The following ATRNL1 variants were observed in gnomAD, a reference collection of about 807,000 sequenced individuals.
The protein encoded by ATRNL1 is attractin like 1.
A neutral mutation model predicts 182.7 loss-of-function variants in ATRNL1; 95 were observed. The ratio of observed to expected loss-of-function variants is 0.52; its 90% confidence interval spans 0.44 to 0.62. The LOEUF (loss-of-function observed/expected upper bound fraction) is 0.62, where lower values mean the gene tolerates loss of function less well. ATRNL1 is among the 20% of genes least tolerant of loss of function. ATRNL1 has a pLI of 0.00. For missense variants in ATRNL1, 1,471 were observed against 1,679.5 expected, an observed-to-expected ratio of 0.88 and a Z score of 2.17; for synonymous variants, 576 against 568.3, an observed-to-expected ratio of 1.01 and a Z score of -0.19.
chr10:115,527,660 ACT>A (rs1452730092), intron 25 of ATRNL1, among the ~76,000 whole-genome samples: 8 of 151,882 alleles, frequency 5.3e-5, no homozygotes, highest in African/African-American at 1.9e-4. Context: ...TGGAAGTTGT[ACT>A]CTTTGTTTCA....
chr10:115,195,634 A>G (rs1383208703), intron 8 of ATRNL1, among the ~76,000 whole-genome samples: 1 of 152,098 alleles, frequency 6.6e-6, no homozygotes, highest in Non-Finnish European at 1.5e-5. Flanking sequence ...TTGGTGTTTT[A>G]TAACCTCGTA....
chr10:115,150,659 T>C (rs546531428), intron 5 of ATRNL1, among the ~76,000 whole-genome samples: 5 of 152,260 alleles, frequency 3.3e-5, no homozygotes, highest in Admixed American at 2.0e-4. Flanking sequence ...CCTCTTTTCA[T>C]TGATTTCTAG....
At chr10:115,383,878 G>A (rs1285718657) in intron 19 of ATRNL1, among the ~76,000 whole-genome samples, 1 of 151,818 alleles carries the variant, frequency 6.6e-6, no homozygotes, top group African/African-American at 2.4e-5. Context: ...AAAAAATGCA[G>A]TTTTGTTTAT....
chr10:115,393,247 C>T (rs1844120050), intron 19 of ATRNL1, among the ~76,000 whole-genome samples: 1 of 152,060 alleles, frequency 6.6e-6, no homozygotes, highest in South Asian at 2.1e-4. Context: ...GTTTTAGTCT[C>T]TTCTTTTGAA....
intron 26 of ATRNL1, among the ~76,000 whole-genome samples, chr10:115,643,188 G>C (rs1555031061): frequency 6.6e-6 from 1 of 152,142 alleles, no homozygotes; most frequent in Non-Finnish European, 1.5e-5. Context: ...ATGATCAACT[G>C]ATTTTCAACC....
At chr10:115,934,907 A>C (rs184592259) in intron 28 of ATRNL1, among the ~76,000 whole-genome samples, 113 of 152,164 alleles carry the variant, frequency 7.4e-4, no homozygotes, top group African/African-American at 2.5e-3. Context: ...GTATGTCCTG[A>C]AGTTTCTCAA....
chr10:115,175,774 G>C (rs186361545), intron 8 of ATRNL1, among the ~76,000 whole-genome samples: 1 of 152,192 alleles, frequency 6.6e-6, no homozygotes. Context: ...CTGCTTACAT[G>C]TTGAAAGTAT....
At chr10:115,474,104 G>C (rs145660761) in intron 24 of ATRNL1, among the ~76,000 whole-genome samples, 65 of 151,254 alleles carry the variant, frequency 4.3e-4, no homozygotes, top group Non-Finnish European at 6.1e-4. Context: ...CTAACTTTGG[G>C]CTTCACAGTT....
intron 9 of ATRNL1, among the ~76,000 whole-genome samples, chr10:115,225,152 C>T (rs1390708147): frequency 6.6e-6 from 1 of 151,586 alleles, no homozygotes; most frequent in South Asian, 2.1e-4. Context: ...TGGGTTCATT[C>T]AAAGAATATA....
intron 15 of ATRNL1, among the ~76,000 whole-genome samples, chr10:115,287,406 T>C (rs1852669738): frequency 6.6e-6 from 1 of 152,134 alleles, no homozygotes; most frequent in Non-Finnish European, 1.5e-5. Flanking sequence ...TTGTTCCCAC[T>C]ACTGCTATTA....
At chr10:115,476,730 A>G (rs1554973203) in intron 24 of ATRNL1, among the ~76,000 whole-genome samples, 1 of 150,904 alleles carries the variant, frequency 6.6e-6, no homozygotes, top group Non-Finnish European at 1.5e-5. Flanking sequence ...TACATTCTGT[A>G]TTTTTATCTT....
intron 19 of ATRNL1, among the ~76,000 whole-genome samples, chr10:115,353,529 T>G (rs1856364907): frequency 6.6e-6 from 1 of 152,138 alleles, no homozygotes; most frequent in African/African-American, 2.4e-5. Context: ...CCACTCTCTG[T>G]CTTTTATTTG....
intron 19 of ATRNL1, among the ~76,000 whole-genome samples, chr10:115,354,751 T>C (rs1856428568): frequency 6.6e-6 from 1 of 152,076 alleles, no homozygotes; most frequent in South Asian, 2.1e-4. Context: ...AAAAGTTCTC[T>C]TATTACTTTC....
chr10:115,748,269 A>G (rs1032039505), intron 27 of ATRNL1, among the ~76,000 whole-genome samples: 1 of 151,642 alleles, frequency 6.6e-6, no homozygotes, highest in Admixed American at 6.6e-5. Context: ...AGGCTGTTTT[A>G]TACAATGAAG....
chr10:115,508,365 C>G (rs1554981823), intron 24 of ATRNL1, among the ~76,000 whole-genome samples: 1 of 151,926 alleles, frequency 6.6e-6, no homozygotes, highest in Non-Finnish European at 1.5e-5. Context: ...CAATTGCTTC[C>G]CAGTGTTCAA....
chr10:115,276,727 A>G (rs78770374), intron 13 of ATRNL1, among the ~76,000 whole-genome samples: 6,255 of 152,254 alleles, frequency 0.041, 429 homozygotes, highest in African/African-American at 0.14. Context: ...TAGAGTGAAG[A>G]TCAGTAGAGT....
intron 8 of ATRNL1, among the ~76,000 whole-genome samples, chr10:115,193,388 G>C (rs1028498404): frequency 6.6e-6 from 1 of 151,970 alleles, no homozygotes; most frequent in African/African-American, 2.4e-5. Context: ...CATTTCATCA[G>C]TGCATCCATC....
At chr10:115,729,059 T>TA (rs1947706203) in intron 27 of ATRNL1, among the ~76,000 whole-genome samples, 2 of 152,008 alleles carry the variant, frequency 1.3e-5, no homozygotes, top group African/African-American at 2.4e-5. Context: ...ACACATAGAC[T>TA]AAAGAAGAAA....
At chr10:115,694,174 A>ACG (rs781898308) in intron 26 of ATRNL1, among the ~76,000 whole-genome samples, 2 of 52,684 alleles carry the variant, frequency 3.8e-5, no homozygotes, top group East Asian at 8.8e-4. Flanking sequence ...ACACAGACGC[A>ACG]CACACACACA....
Sources: allele counts gnomAD v4.1 joint callset (sites outside exome capture counted in the v4.1 genomes callset), GRCh38; gene constraint gnomAD v4.1.1; transcripts MANE v1.5; gene names NCBI Gene and HGNC (gene_info 2026-07-23, HGNC 2026-07-21).